The following ELMO1 variants were observed in gnomAD, a reference collection of about 807,000 sequenced individuals.
ELMO1 encodes the protein engulfment and cell motility protein 1.
ELMO1 carries 26 observed loss-of-function variants against 98.9 expected under a neutral mutation model. The observed-to-expected ratio is 0.26, with a 90% CI of 0.19 to 0.36. The LOEUF is 0.36. Ranked by LOEUF, ELMO1 falls within the 10% of genes least tolerant of loss-of-function variation. ELMO1 has a pLI of 1.00. For synonymous variants in ELMO1, 346 were observed against 346.0 expected (o/e 1.00, Z 0.00); for missense variants, 627 against 935.2 (o/e 0.67, Z 4.30).
At chr7:37,426,393 G>A (rs576556203) in intron 1 of ELMO1, among the ~76,000 whole-genome samples, 38 of 152,050 alleles carry the variant, frequency 2.5e-4, no homozygotes, top group East Asian at 5.8e-4. Flanking sequence ...GACCTCAGGC[G>A]ATCCGCCCTA....
chr7:36,981,740 T>C (rs894835021), intron 16 of ELMO1, among the ~76,000 whole-genome samples: 4 of 152,204 alleles, frequency 2.6e-5, no homozygotes, highest in Non-Finnish European at 5.9e-5. Flanking sequence ...GGAAACAGCA[T>C]ACTGTTTTAA....
At chr7:37,039,533 G>A (rs1795381423) in intron 15 of ELMO1, among the ~76,000 whole-genome samples, 1 of 152,188 alleles carries the variant, frequency 6.6e-6, no homozygotes, top group Admixed American at 6.5e-5. Flanking sequence ...AATGCTGAGA[G>A]GGCAGTTTGG....
At chr7:37,254,007 C>G (rs1449415387) in intron 6 of ELMO1, among the ~76,000 whole-genome samples, 1 of 152,168 alleles carries the variant, frequency 6.6e-6, no homozygotes, top group Non-Finnish European at 1.5e-5. Context: ...CTAAGTTTAA[C>G]AGAGAAGCCA....
At chr7:37,435,726 G>T (rs1805115745) in intron 1 of ELMO1, among the ~76,000 whole-genome samples, 3 of 152,120 alleles carry the variant, frequency 2.0e-5, no homozygotes, top group African/African-American at 4.8e-5. Context: ...ATTCAACATG[G>T]CCCTAAACCA....
intron 6 of ELMO1, among the ~76,000 whole-genome samples, chr7:37,247,915 G>A (rs545785251): frequency 6.6e-6 from 1 of 151,900 alleles, no homozygotes; most frequent in East Asian, 1.9e-4. Flanking sequence ...GTGTGTGTGT[G>A]TGTGTGTGTG....
intron 14 of ELMO1, among the ~76,000 whole-genome samples, chr7:37,112,182 T>G (rs2129277475): frequency 6.6e-6 from 1 of 152,272 alleles, no homozygotes; most frequent in African/African-American, 2.4e-5. Flanking sequence ...TGACAGAAAG[T>G]AAGGGCATAG....
intron 21 of ELMO1, among the ~76,000 whole-genome samples, chr7:36,858,143 T>A (rs999631533): frequency 5.3e-5 from 8 of 152,228 alleles, no homozygotes; most frequent in African/African-American, 1.9e-4. Flanking sequence ...GAGAATCAAG[T>A]ATTTATCCTG....
intron 2 of ELMO1, among the ~76,000 whole-genome samples, chr7:37,320,473 C>T (rs1199271142): frequency 6.6e-6 from 1 of 152,070 alleles, no homozygotes; most frequent in African/African-American, 2.4e-5. Flanking sequence ...GTTGAAATGG[C>T]CCTCTCCTTC....
chr7:37,375,940 A>G (rs1165299481), intron 1 of ELMO1: 9 of 632,190 alleles, frequency 1.4e-5, no homozygotes, highest in Admixed American at 4.3e-5. Context: ...TGCCAACAAG[A>G]AAGTAGAGGC....
chr7:36,923,190 C>T (rs934008763), intron 16 of ELMO1, among the ~76,000 whole-genome samples: 2 of 152,114 alleles, frequency 1.3e-5, no homozygotes, highest in Non-Finnish European at 2.9e-5. Context: ...CCCTCAGATG[C>T]CAATTAATTA....
intron 13 of ELMO1, among the ~76,000 whole-genome samples, chr7:37,210,615 A>G (rs1308007269): frequency 2.6e-5 from 4 of 151,822 alleles, no homozygotes; most frequent in Non-Finnish European, 5.9e-5. Context: ...ACATACAGAT[A>G]TATAGCTTAT....
intron 16 of ELMO1, among the ~76,000 whole-genome samples, chr7:36,992,689 T>G (rs186337248): frequency 7.0e-4 from 107 of 152,322 alleles, no homozygotes; most frequent in Non-Finnish European, 1.8e-4. Context: ...TCAGATCTAA[T>G]GAATAAGTAA....
intron 14 of ELMO1, among the ~76,000 whole-genome samples, chr7:37,124,314 G>C (rs375434636): frequency 3.3e-5 from 5 of 152,240 alleles, no homozygotes; most frequent in African/African-American, 9.6e-5. Context: ...GAAATAAAGG[G>C]TATTCAATTA....
chr7:37,271,972 A>G, intron 4 of ELMO1, 90 bp from the exon 5 acceptor site: 1 of 1,085,274 alleles, frequency 9.2e-7, no homozygotes, highest in Non-Finnish European at 1.4e-6. Context: ...CAGATATAAC[A>G]GGCATTCAGT....
chr7:37,267,041 AC>A lies in ELMO1; in HGVS notation c.243+4790del. On this transcript the variant is annotated intron_variant, in intron 5 of 21. Coordinates refer to ENST00000310758, the MANE Select transcript of ELMO1 (RefSeq NM_014800.11). ...AAAAAAAAAAAATATGTATATATAC[AC>A]ACACACACACACACACACACACACA... is the stretch of plus-strand genomic sequence containing the variant. Among the ~76,000 whole-genome samples the A allele has an allele frequency of 1.4e-4, 2 of 14,098 alleles. 1 individual carries two copies. The highest frequency in any genetic ancestry group is 1.9e-3 in the African/African-American group (2 of 1,080). The allele number at this position is 14,098 out of a possible 152,430, so 9.2% of individuals were successfully genotyped here. A position where few individuals can be genotyped will look rare whatever the true frequency, so the allele number is the denominator to read the frequency against.
chr7:36,960,755 A>C (rs1788873985), intron 16 of ELMO1, among the ~76,000 whole-genome samples: 1 of 152,218 alleles, frequency 6.6e-6, no homozygotes, highest in South Asian at 2.1e-4. Flanking sequence ...AGTACTGTAA[A>C]AAGGCAGCTT....
chr7:37,348,440 G>A (rs1801111638), intron 1 of ELMO1, among the ~76,000 whole-genome samples: 1 of 151,854 alleles, frequency 6.6e-6, no homozygotes. Context: ...CTTGCCTGCT[G>A]GCTTGACTTT....
At chr7:37,101,927 A>G (rs763255915) in intron 14 of ELMO1, among the ~76,000 whole-genome samples, 32 of 152,216 alleles carry the variant, frequency 2.1e-4, no homozygotes, top group Non-Finnish European at 4.3e-4. Context: ...TCCAGCCACC[A>G]TAGGGCAATT....
intron 16 of ELMO1, among the ~76,000 whole-genome samples, chr7:36,908,967 C>A (rs957706657): frequency 6.6e-6 from 1 of 152,130 alleles, no homozygotes; most frequent in Non-Finnish European, 1.5e-5. Flanking sequence ...CAAATAGGGA[C>A]TATCCTTTTT....
Sources: gnomAD v4.1 joint callset for allele counts (sites outside exome capture counted in the v4.1 genomes callset) on GRCh38, gnomAD v4.1.1 for gene constraint, MANE v1.5 for transcripts, NCBI Gene and HGNC (gene_info 2026-07-23, HGNC 2026-07-21) for gene names.